The following RBFOX1 variants were observed in gnomAD, a reference collection of about 807,000 sequenced individuals.
RBFOX1 encodes RNA binding protein fox-1 homolog 1.
Under a neutral mutation model 57.7 loss-of-function variants are expected in RBFOX1, and 8 were observed. That is an observed-to-expected ratio of 0.14 (90% CI 0.08 to 0.25). RBFOX1 has a LOEUF of 0.25. RBFOX1 is among the 10% of genes least tolerant of loss of function. The probability of loss-of-function intolerance (pLI) is 1.00; values close to 1 mark genes in which losing one functional copy is unlikely to be tolerated. For missense variants in RBFOX1, 611 were observed against 548.5 expected (o/e 1.11, Z -1.14); for synonymous variants, 326 against 222.4 (o/e 1.47, Z -4.15).
At chr16:5,850,779 T>G (rs1354258132) in intron 3 of RBFOX1, among the ~76,000 whole-genome samples, 1 of 152,196 alleles carries the variant, frequency 6.6e-6, no homozygotes, top group Admixed American at 6.5e-5. Context: ...TGATGTCTCA[T>G]TTCCTTCACT....
chr16:7,669,092 T>C (rs755870911), intron 13 of RBFOX1, among the ~76,000 whole-genome samples: 15 of 152,168 alleles, frequency 9.9e-5, no homozygotes, highest in Non-Finnish European at 2.1e-4. Flanking sequence ...TTAGTAGAGA[T>C]GGGGTTTCGC....
At chr16:6,104,439 A>G (rs902263369) in intron 1 of RBFOX1, among the ~76,000 whole-genome samples, 4 of 152,220 alleles carry the variant, frequency 2.6e-5, no homozygotes, top group African/African-American at 9.7e-5. Flanking sequence ...TAGAGGTATA[A>G]TTTATATAAC....
At chr16:6,817,319 C>T (rs546013221) in intron 3 of RBFOX1, among the ~76,000 whole-genome samples, 8 of 152,170 alleles carry the variant, frequency 5.3e-5, no homozygotes, top group Non-Finnish European at 1.2e-4. Flanking sequence ...GCCCCTCTCC[C>T]ATGTACGAGG....
rs1290770916 is a variant in RBFOX1 at position 5,946,875 on chromosome 16, G to C, written c.351+79540G>C. Among the ~76,000 whole-genome samples, 2 of 152,162 alleles carry C rather than the reference G, an allele frequency of 1.3e-5. No homozygotes were observed. The highest frequency in any genetic ancestry group is 2.9e-5 in the Non-Finnish European group (2 of 68,040). The stretch of plus-strand genomic sequence containing the variant: ...GTGTGAAATAAAACCCAACACATAT[G>C]AGTGTAGAGGTATGCTGCTTGAGTG... On this transcript the variant is annotated intron_variant, in intron 4 of 19. Coordinates refer to the RBFOX1 transcript ENST00000641259. This position sits in a 1 kb window ranked among gnomAD's most constrained non-coding sequence, Gnocchi z 4.6.
chr16:5,687,380 A>G (rs900887533), intron 3 of RBFOX1, among the ~76,000 whole-genome samples: 44 of 152,126 alleles, frequency 2.9e-4, no homozygotes, highest in African/African-American at 9.4e-4. Context: ...TGGGTAGCCA[A>G]CTTTGGGCCC....
intron 3 of RBFOX1, among the ~76,000 whole-genome samples, chr16:5,756,452 G>A (rs901122239): frequency 2.0e-5 from 3 of 152,198 alleles, no homozygotes; most frequent in Admixed American, 2.0e-4. Context: ...CCTTTGCGGT[G>A]GAGTTTGTCA....
chr16:7,568,305 GGGTT>G lies in RBFOX1; in HGVS notation c.271-11469_271-11466del, dbSNP rs1479392908. Among the ~76,000 whole-genome samples the G allele has an allele frequency of 2.6e-5, 4 of 152,292 alleles. No homozygotes were observed. In the East Asian group the frequency reaches 7.7e-4, roughly 29 times the overall value. ...GATTATTCATGAGTTTTCTGGGAAA[GGGTT>G]GGGCAATTCCCAGAACTTAGGGTTC... On this transcript the variant is annotated intron_variant, in intron 5 of 15. Transcript: ENST00000550418.
At chr16:5,768,143 C>T (rs796148614) in intron 3 of RBFOX1, among the ~76,000 whole-genome samples, 7 of 152,266 alleles carry the variant, frequency 4.6e-5, no homozygotes, top group African/African-American at 1.7e-4. Context: ...AGTCTGCAAG[C>T]TTAATGAATG....
At chr16:5,428,022 T>C (rs540658845) in intron 1 of RBFOX1, among the ~76,000 whole-genome samples, 4 of 152,270 alleles carry the variant, frequency 2.6e-5, no homozygotes, top group South Asian at 4.1e-4. Context: ...GCGGTATTAA[T>C]TGTTACACTG....
At chr16:5,621,997 G>A (rs984681265) in intron 3 of RBFOX1, among the ~76,000 whole-genome samples, 3 of 152,172 alleles carry the variant, frequency 2.0e-5, no homozygotes, top group South Asian at 2.1e-4. Context: ...CCTTGGCCAC[G>A]TGTCAAAAGT....
chr16:5,443,538 C>G (rs1442755934), intron 1 of RBFOX1, among the ~76,000 whole-genome samples: 3 of 152,142 alleles, frequency 2.0e-5, no homozygotes, highest in African/African-American at 7.2e-5. Flanking sequence ...TGGGGTTTCC[C>G]TGTGTTGGCC....
intron 4 of RBFOX1, among the ~76,000 whole-genome samples, chr16:7,189,459 A>G (rs1300618081): frequency 5.6e-5 from 8 of 142,660 alleles, no homozygotes; most frequent in Admixed American, 2.1e-4. Flanking sequence ...GGAATCCTCA[A>G]TGGATAGAAT....
rs539907036 is a variant in RBFOX1, at chr16:6,680,084, C to A, written c.-16+25434C>A. Among the ~76,000 whole-genome samples the A allele has an allele frequency of 3.9e-5, 6 of 151,936 alleles. No homozygotes were observed. The East Asian group carries it at 9.7e-4, about 25-fold the overall frequency. Reference sequence around the variant, plus strand: ...TCTTGAGGAAATCTGAAGAGATTGGCAACTTGGAACTTCAGTTTTCTCATC... The same window carrying A: ...TCTTGAGGAAATCTGAAGAGATTGGAAACTTGGAACTTCAGTTTTCTCATC... On this transcript the variant is annotated intron_variant, in intron 3 of 15. Transcript: ENST00000550418.
At chr16:6,889,530 G>A (rs559970638) in intron 3 of RBFOX1, among the ~76,000 whole-genome samples, 1 of 152,184 alleles carries the variant, frequency 6.6e-6, no homozygotes, top group Non-Finnish European at 1.5e-5. Context: ...CGTGACTGCA[G>A]TGTTACTCAC....
At chr16:5,307,534 C>T (rs1236168508) in intron 1 of RBFOX1, among the ~76,000 whole-genome samples, 1 of 152,216 alleles carries the variant, frequency 6.6e-6, no homozygotes, top group Non-Finnish European at 1.5e-5. Flanking sequence ...ACCCTCACCC[C>T]TGTTCATAGT....
chr16:7,340,051 G>A (rs2096864123), intron 4 of RBFOX1, among the ~76,000 whole-genome samples: 1 of 152,162 alleles, frequency 6.6e-6, no homozygotes, highest in Admixed American at 6.5e-5. Flanking sequence ...CTCATTGGTA[G>A]ATCTTATAGT....
At chr16:5,649,136 C>T (rs146671886) in intron 3 of RBFOX1, among the ~76,000 whole-genome samples, 2,266 of 151,834 alleles carry the variant, frequency 0.015, 60 homozygotes, top group African/African-American at 0.051. Flanking sequence ...TATATACATA[C>T]ATATACATAT....
rs199844449 is a variant in RBFOX1 at position 6,773,671 on chromosome 16, GTGTA to G, written c.-16+119025_-16+119028del. 2.0e-3 allele frequency: 141 copies of G among 71,268 alleles called. 5 individuals carry two copies. Among genetic ancestry groups the G allele is most frequent in the African/African-American group, 8.8e-3 (108 of 12,262 alleles). 4.4% of individuals were successfully genotyped at this position (71,268 alleles called of 1,614,324 possible). The stretch of plus-strand genomic sequence containing the variant: ...GGGTGTGGGGTCTATTTGTGTGTGT[GTGTA>G]TGTGTATGTGTATGTGTGGGCATGG... On this transcript the variant is annotated intron_variant, in intron 3 of 15. Transcript: ENST00000550418.
intron 2 of RBFOX1, among the ~76,000 whole-genome samples, chr16:5,519,091 C>T (rs28459479): frequency 0.31 from 47,248 of 151,978 alleles, 7,707 homozygotes; most frequent in Admixed American, 0.36. Context: ...AGAGAGGCTC[C>T]AAAAGAAAAC....
Sources: allele counts gnomAD v4.1 joint callset (sites outside exome capture counted in the v4.1 genomes callset), GRCh38; gene constraint gnomAD v4.1.1; non-coding constraint Gnocchi (gnomAD v3.1); transcripts MANE v1.5; gene names NCBI Gene and HGNC (gene_info 2026-07-23, HGNC 2026-07-21).